Variants in SPATA17 observed in about 807,000 individuals in gnomAD.
SPATA17 encodes spermatogenesis associated 17, also known as spermatogenesis-associated protein 17.
Under a neutral mutation model 62.2 loss-of-function variants are expected in SPATA17, and 53 were observed. That is an observed-to-expected ratio of 0.85 (90% CI 0.68 to 1.07). The LOEUF is 1.07. SPATA17 is among the 50% of genes least tolerant of loss of function. SPATA17 has a pLI of 0.00. For missense variants in SPATA17, 466 were observed against 425.5 expected, an observed-to-expected ratio of 1.10 and a Z score of -0.84; for synonymous variants, 146 against 146.8, an observed-to-expected ratio of 0.99 and a Z score of 0.04.
intron 5 of SPATA17, chr1:217,739,550 G>A (rs1203403990): frequency 3.3e-5 from 5 of 151,912 alleles, no homozygotes; most frequent in African/African-American, 4.8e-5. Context: ...AAATGTCTTG[G>A]AAGTACTGCA....
chr1:217,699,675 A>G (rs1393489097), intron 5 of SPATA17, among the ~76,000 whole-genome samples: 3 of 152,116 alleles, frequency 2.0e-5, no homozygotes, highest in Non-Finnish European at 1.5e-5. Flanking sequence ...TTCTCTTAGT[A>G]TGATCTTTTC....
At chr1:217,678,942 G>T (rs1318097130) in intron 4 of SPATA17, among the ~76,000 whole-genome samples, 1 of 151,302 alleles carries the variant, frequency 6.6e-6, no homozygotes, top group Non-Finnish European at 1.5e-5. Context: ...GTAGTAACCC[G>T]TTCACCTTGA....
At chr1:217,793,297 T>C (rs916698611) in intron 8 of SPATA17, among the ~76,000 whole-genome samples, 2 of 138,366 alleles carry the variant, frequency 1.4e-5, no homozygotes, top group East Asian at 5.2e-4. Flanking sequence ...CTCGGCTCAC[T>C]GCAAGCTCCG....
At chr1:217,684,708 G>A (rs941211008) in intron 5 of SPATA17, among the ~76,000 whole-genome samples, 14 of 152,204 alleles carry the variant, frequency 9.2e-5, no homozygotes, top group South Asian at 2.1e-4. Context: ...GAGCCACTGC[G>A]CCCAGCCCCT....
intron 8 of SPATA17, among the ~76,000 whole-genome samples, chr1:217,797,663 TA>T (rs1422070293): frequency 6.6e-6 from 1 of 152,220 alleles, no homozygotes; most frequent in Non-Finnish European, 1.5e-5. Flanking sequence ...ATTCATTTAT[TA>T]AATTAAATCA....
intron 3 of SPATA17, among the ~76,000 whole-genome samples, chr1:217,666,531 T>G (rs1477180126): frequency 6.6e-6 from 1 of 152,124 alleles, no homozygotes; most frequent in African/African-American, 2.4e-5. Flanking sequence ...CATGTGTTTT[T>G]TTTTTTAGTT....
At chr1:217,864,513 A>G (rs1251937134) in intron 10 of SPATA17, among the ~76,000 whole-genome samples, 6 of 152,132 alleles carry the variant, frequency 3.9e-5, no homozygotes, top group Non-Finnish European at 8.8e-5. Flanking sequence ...ATATATACAT[A>G]TGTGTGTATA....
chr1:217,791,215 G>C (rs528074853), intron 8 of SPATA17, among the ~76,000 whole-genome samples: 1 of 152,282 alleles, frequency 6.6e-6, no homozygotes, highest in East Asian at 1.9e-4. Flanking sequence ...GGTAGTTACT[G>C]TGCAAATCGT....
At chr1:217,810,622 A>C (rs779100174) in intron 9 of SPATA17, among the ~76,000 whole-genome samples, 4 of 152,112 alleles carry the variant, frequency 2.6e-5, no homozygotes, top group Non-Finnish European at 2.9e-5. Context: ...TGTCTCAAAA[A>C]AAAAAGAAAG....
intron 6 of SPATA17, among the ~76,000 whole-genome samples, chr1:217,748,041 C>T (rs1012333714): frequency 1.3e-5 from 2 of 152,238 alleles, no homozygotes; most frequent in South Asian, 2.1e-4. Context: ...CGGTGGCTCA[C>T]GCCTGTAATT....
At chr1:217,660,077 C>G (rs540636035) in intron 3 of SPATA17, among the ~76,000 whole-genome samples, 1 of 152,210 alleles carries the variant, frequency 6.6e-6, no homozygotes, top group Non-Finnish European at 1.5e-5. Context: ...GTGTCCTTAT[C>G]ACCCAAAGAT....
intron 9 of SPATA17, among the ~76,000 whole-genome samples, chr1:217,818,735 A>G (rs1256767405): frequency 6.6e-6 from 1 of 151,846 alleles, no homozygotes; most frequent in Admixed American, 6.6e-5. Context: ...TTCTGGAAAT[A>G]TTTATTAGAT....
chr1:217,862,503 G>A (rs531265242), intron 9 of SPATA17, among the ~76,000 whole-genome samples: 6 of 152,270 alleles, frequency 3.9e-5, no homozygotes, highest in Admixed American at 3.9e-4. Context: ...GAAGACAGGT[G>A]GATATGCCTG....
In SPATA17 at chr1:217,801,699, T is replaced by C; in HGVS notation, c.873-19T>C. 6.3e-7 allele frequency: 1 copy of C among 1,579,988 alleles called. No homozygotes were observed. The highest frequency in any genetic ancestry group is 8.6e-7 in the Non-Finnish European group (1 of 1,163,440). On this transcript the variant is annotated intron_variant, in intron 8 of 10. Coordinates refer to ENST00000366933, the MANE Select transcript of SPATA17 (RefSeq NM_138796.4). ...CTCTAGAAATCAAGTTAAGAATAGC[T>C]CTTAAATATTTCTTTCAGGTTTTTG...
At chr1:217,832,048 G>A (rs950164175) in intron 9 of SPATA17, among the ~76,000 whole-genome samples, 2 of 151,958 alleles carry the variant, frequency 1.3e-5, no homozygotes, top group Non-Finnish European at 1.5e-5. Context: ...AATTTTTGAG[G>A]CAGTGGATAT....
At chr1:217,765,226 G>T (rs561057985) in intron 6 of SPATA17, among the ~76,000 whole-genome samples, 46 of 151,252 alleles carry the variant, frequency 3.0e-4, no homozygotes, top group Admixed American at 5.9e-4. Context: ...CCAGCTTTTG[G>T]TTTGTTGATT....
intron 1 of SPATA17, among the ~76,000 whole-genome samples, chr1:217,632,856 C>G (rs1165296530): frequency 1.3e-5 from 2 of 152,158 alleles, no homozygotes; most frequent in Non-Finnish European, 2.9e-5. Context: ...TAAGCCCCAT[C>G]CATCATGATG....
intron 7 of SPATA17, among the ~76,000 whole-genome samples, chr1:217,777,342 C>A (rs1673619135): frequency 1.3e-5 from 2 of 152,064 alleles, no homozygotes; most frequent in Admixed American, 1.3e-4. Context: ...GTCAGTTTCC[C>A]CCTTGGACCG....
At chr1:217,746,820 G>T (rs1672768231) in intron 6 of SPATA17, among the ~76,000 whole-genome samples, 1 of 151,780 alleles carries the variant, frequency 6.6e-6, no homozygotes. Flanking sequence ...ACCCCTCAGG[G>T]TTTTATTAAT....
Sources: allele counts gnomAD v4.1 joint callset (sites outside exome capture counted in the v4.1 genomes callset), GRCh38; gene constraint gnomAD v4.1.1; transcripts MANE v1.5; gene names NCBI Gene and HGNC (gene_info 2026-07-23, HGNC 2026-07-21).